Variants in SCAF4 observed in about 807,000 individuals in gnomAD.
The protein encoded by SCAF4 is SR-related and CTD-associated factor 4.
In SCAF4, 25 loss-of-function variants were observed where a neutral mutation model predicts 129.8. The ratio of observed to expected loss-of-function variants is 0.19; its 90% CI spans 0.14 to 0.27. The LOEUF is 0.27. Among genes scored for constraint, SCAF4 ranks in the 10% least tolerant of loss-of-function variants. The probability of loss-of-function intolerance (pLI) is 1.00; values close to 1 mark genes in which losing one functional copy is unlikely to be tolerated. For missense variants in SCAF4, 1,246 were observed against 1,457.1 expected, an observed-to-expected ratio of 0.86 and a Z score of 2.36; for synonymous variants, 551 against 497.7, an observed-to-expected ratio of 1.11 and a Z score of -1.43.
intron 1 of SCAF4, among the ~76,000 whole-genome samples, chr21:31,725,476 A>G (rs1387780323): frequency 6.6e-6 from 1 of 152,230 alleles, no homozygotes; most frequent in Non-Finnish European, 1.5e-5. Context: ...CAATTCGTAC[A>G]TTAAGTATTC....
At chr21:31,688,546 T>C (rs917818680) in intron 15 of SCAF4, 82 bp from the exon 16 acceptor site, 7 of 1,182,216 alleles carry the variant, frequency 5.9e-6, no homozygotes, top group Non-Finnish European at 8.5e-6. Flanking sequence ...ATGTTGATTA[T>C]AAAAACCTAG....
chr21:31,720,821 TA>T (rs2051048563), intron 1 of SCAF4, among the ~76,000 whole-genome samples: 1 of 152,196 alleles, frequency 6.6e-6, no homozygotes, highest in Non-Finnish European at 1.5e-5. Flanking sequence ...ACGTCAAAAC[TA>T]AACCTATCCT....
At chr21:31,686,325 T>C (rs542673026) in intron 16 of SCAF4, among the ~76,000 whole-genome samples, 1 of 152,132 alleles carries the variant, frequency 6.6e-6, no homozygotes, top group Admixed American at 6.5e-5. Flanking sequence ...TCTGACATCA[T>C]GTAATACATT....
In SCAF4 at chr21:31,690,197, A is replaced by G. The variant is rs386464698; in HGVS notation, c.1885+600T>C. On this transcript the variant is annotated intron_variant, in intron 15 of 19. Coordinates refer to ENST00000286835, the MANE Select transcript of SCAF4 (RefSeq NM_020706.2). ...TCATGAAGCACTGGATTAAAACCCA[A>G]TACCAGGCCAGGTGCAGTGGCTCAC... Among the ~76,000 whole-genome samples, 404 of 152,202 alleles carry G rather than the reference A, an allele frequency of 2.7e-3. 3 individuals carry two copies. The highest frequency in any genetic ancestry group is 0.017 in the South Asian group (83 of 4,826).
intron 19 of SCAF4, among the ~76,000 whole-genome samples, chr21:31,679,489 T>C (rs1037319548): frequency 6.6e-6 from 1 of 152,190 alleles, no homozygotes; most frequent in Admixed American, 6.5e-5. Flanking sequence ...TGGGTTATTC[T>C]TATAGAAGGC....
At chr21:31,687,444 G>A (rs924001284) in intron 16 of SCAF4, among the ~76,000 whole-genome samples, 3 of 152,038 alleles carry the variant, frequency 2.0e-5, no homozygotes, top group Non-Finnish European at 2.9e-5. Flanking sequence ...ATACCATACT[G>A]CTGAATATAA....
At chr21:31,719,427 A>G (rs1311332812) in intron 1 of SCAF4, among the ~76,000 whole-genome samples, 2 of 152,236 alleles carry the variant, frequency 1.3e-5, no homozygotes, top group Non-Finnish European at 2.9e-5. Flanking sequence ...CTCCGGGCAG[A>G]ACTAATTTTC....
chr21:31,693,182 AATC>A (rs1451624566), intron 12 of SCAF4, 109 bp downstream of exon 12: 1 of 770,142 alleles, frequency 1.3e-6, no homozygotes, highest in Non-Finnish European at 1.9e-6. Flanking sequence ...TTCAAATAAA[AATC>A]AACACAGTGG....
intron 12 of SCAF4, 112 bp downstream of exon 12, chr21:31,693,182 A>G (rs575853058): frequency 9.5e-5 from 73 of 770,142 alleles, no homozygotes; most frequent in Non-Finnish European, 1.1e-4. Flanking sequence ...TTCAAATAAA[A>G]ATCAACACAG....
rs950905315 is a variant in SCAF4, at chr21:31,712,654, G to A, written c.31-6297C>T. On this transcript the variant is annotated intron_variant, in intron 1 of 19. Coordinates refer to ENST00000286835, the MANE Select transcript of SCAF4 (RefSeq NM_020706.2). ...AGTGACTCTCCTGCCTCAGCCTCCC[G>A]AGTAGCTGGGATTACAGGCGCCTGC... 2.0e-5 allele frequency among the ~76,000 whole-genome samples: 3 copies of A among 150,788 alleles called. No individual in the cohort carries two copies. In the Admixed American group the frequency reaches 2.0e-4, roughly 10 times the overall value.
chr21:31,730,042 T>A (rs538997268), intron 1 of SCAF4, among the ~76,000 whole-genome samples: 10 of 152,378 alleles, frequency 6.6e-5, no homozygotes, highest in African/African-American at 2.4e-4. Flanking sequence ...AAAATACACA[T>A]TCATTGTTGG....
intron 1 of SCAF4, among the ~76,000 whole-genome samples, chr21:31,717,842 TACACACAC>T (rs66498283): frequency 1.7e-4 from 20 of 114,382 alleles, no homozygotes; most frequent in East Asian, 7.1e-4. Context: ...TATATATATA[TACACACAC>T]ACACACACAC....
Position 31,702,449 on chromosome 21 carries a change from AAAAG to A in SCAF4, c.322-74_322-71del, listed in dbSNP as rs2050557114. ...AATAACCGATTATACTCTTACAAAA[AAAAG>A]AGAGGAAAACTCCCTAGGCTAATAT... is the stretch of plus-strand genomic sequence containing the variant. On this transcript the variant is annotated intron_variant, in intron 4 of 19. Coordinates refer to ENST00000286835, the MANE Select transcript of SCAF4 (RefSeq NM_020706.2). 4 of 1,357,494 alleles carry A rather than the reference AAAAG, an allele frequency of 2.9e-6. No homozygotes were observed. In the South Asian group the frequency reaches 5.3e-5, roughly 18 times the overall value. 84.1% of individuals were successfully genotyped at this position (1,357,494 alleles called of 1,614,324 possible). A position where few individuals can be genotyped will look rare whatever the true frequency, so the allele number is the denominator to read the frequency against.
chr21:31,713,505 A>G (rs79383664), intron 1 of SCAF4, among the ~76,000 whole-genome samples: 2,604 of 152,262 alleles, frequency 0.017, 78 homozygotes, highest in African/African-American at 0.059. Flanking sequence ...TGAGAAAAAG[A>G]GAGAATCCTG....
In SCAF4 at chr21:31,732,098, C is replaced by T. The variant is rs2051381647; in HGVS notation, c.-406G>A. ...GCGGGATGGCGGCAGCGGCCCGAGT[C>T]CACGCCGCGCGGGGCACCCTGGGAC... On this transcript the variant is annotated 5_prime_UTR_variant, in exon 1 of 20. Transcript: ENST00000286835. 7 of 407,038 alleles carry T rather than the reference C, an allele frequency of 1.7e-5. No individual in the cohort carries two copies. The South Asian group carries it at 4.0e-4, about 23-fold the overall frequency. The allele number at this position is 407,038 out of a possible 1,614,324, so 25.2% of individuals were successfully genotyped here.
intron 10 of SCAF4, 138 bp downstream of exon 10, chr21:31,694,675 T>C (rs1002566405): frequency 1.1e-4 from 86 of 803,566 alleles, no homozygotes; most frequent in Non-Finnish European, 1.5e-4. Context: ...ATGAAAAACC[T>C]GGAGCACTGA....
intron 1 of SCAF4, among the ~76,000 whole-genome samples, chr21:31,730,590 A>G (rs543140771): frequency 3.3e-5 from 5 of 152,326 alleles, no homozygotes; most frequent in African/African-American, 1.2e-4. Flanking sequence ...CACATCTCGA[A>G]CTACAACATT....
At chr21:31,723,629 T>TGTGTGTGTGTGTGTGTGTGTGCGC (rs1271033175) in intron 1 of SCAF4, among the ~76,000 whole-genome samples, 2 of 149,000 alleles carry the variant, frequency 1.3e-5, no homozygotes, top group African/African-American at 4.9e-5. Context: ...TGTGTGTGTG[T>TGTGTGTGTGTGTGTGTGTGTGCGC]GCGCGCGCGC....
At chr21:31,730,463 T>C (rs1430386277) in intron 1 of SCAF4, among the ~76,000 whole-genome samples, 1 of 152,202 alleles carries the variant, frequency 6.6e-6, no homozygotes, top group East Asian at 1.9e-4. Flanking sequence ...TGCAGTGTAA[T>C]TGGAAAGTCC....
Sources: gnomAD v4.1 joint callset for allele counts (sites outside exome capture counted in the v4.1 genomes callset) on GRCh38, gnomAD v4.1.1 for gene constraint, MANE v1.5 for transcripts, NCBI Gene and HGNC (gene_info 2026-07-23, HGNC 2026-07-21) for gene names.